Variants in ZNF148 observed in about 807,000 individuals in gnomAD.
ZNF148 encodes zinc finger protein 148, also known as Beta-Enolase Repressor Factor-1.
Under a neutral mutation model 67.7 loss-of-function variants are expected in ZNF148, and 7 were observed. That is an observed-to-expected ratio of 0.10 (90% confidence interval 0.06 to 0.19). ZNF148 has a LOEUF of 0.19. ZNF148 is among the 10% of genes least tolerant of loss of function. The pLI, the probability that ZNF148 is intolerant of heterozygous loss-of-function variation, is 1.00. For synonymous variants in ZNF148, 333 were observed against 330.7 expected (o/e 1.01, Z -0.08); for missense variants, 583 against 947.1 (o/e 0.62, Z 5.05).
chr3:125,341,041 A>C (rs1416800133), intron 1 of ZNF148, among the ~76,000 whole-genome samples: 1 of 151,330 alleles, frequency 6.6e-6, no homozygotes, highest in East Asian at 1.9e-4. Context: ...AAAACACCTA[A>C]GAAAATCATA....
At chr3:125,375,001 C>T (rs1051635283) in intron 1 of ZNF148, 101 bp downstream of exon 1, 1 of 151,760 alleles carries the variant, frequency 6.6e-6, no homozygotes, top group Non-Finnish European at 1.5e-5. Context: ...CTCGCTCCCC[C>T]CGGGGTCAGG....
At chr3:125,318,131 C>T (rs1434639117) in intron 3 of ZNF148, among the ~76,000 whole-genome samples, 1 of 152,100 alleles carries the variant, frequency 6.6e-6, no homozygotes, top group African/African-American at 2.4e-5. Context: ...TGGTTTTAAC[C>T]TTTCCCACTT....
At chr3:125,350,986 T>C (rs1451170956) in intron 1 of ZNF148, among the ~76,000 whole-genome samples, 1 of 152,070 alleles carries the variant, frequency 6.6e-6, no homozygotes, top group African/African-American at 2.4e-5. Flanking sequence ...TAAGATAAAG[T>C]AGTCAATCTC....
At chr3:125,260,150 C>T (rs920134575) in intron 7 of ZNF148, among the ~76,000 whole-genome samples, 2 of 152,064 alleles carry the variant, frequency 1.3e-5, no homozygotes, top group Non-Finnish European at 2.9e-5. Context: ...TCAAAGATCA[C>T]CGATCACAAA....
At chr3:125,282,043 AC>A (rs1252928287) in intron 5 of ZNF148, among the ~76,000 whole-genome samples, 1 of 151,996 alleles carries the variant, frequency 6.6e-6, no homozygotes, top group African/African-American at 2.4e-5. Context: ...CATAACAATT[AC>A]TCCTCCTAGC....
intron 4 of ZNF148, among the ~76,000 whole-genome samples, chr3:125,293,854 T>C (rs542463831): frequency 3.7e-4 from 56 of 152,222 alleles, no homozygotes; most frequent in African/African-American, 1.2e-3. Context: ...GGCCCACCAA[T>C]AGATGCTGAA....
At chr3:125,312,250 A>C (rs1940254392) in intron 4 of ZNF148, among the ~76,000 whole-genome samples, 1 of 152,244 alleles carries the variant, frequency 6.6e-6, no homozygotes, top group South Asian at 2.1e-4. Flanking sequence ...AGCAGGATTT[A>C]TTCCAGGTAT....
intron 1 of ZNF148, among the ~76,000 whole-genome samples, chr3:125,343,718 C>T (rs1941828629): frequency 6.6e-6 from 1 of 152,044 alleles, no homozygotes; most frequent in Admixed American, 6.6e-5. Flanking sequence ...CGCTCGGGTC[C>T]CCATCCACAC....
intron 1 of ZNF148, among the ~76,000 whole-genome samples, chr3:125,358,559 T>C (rs1437540691): frequency 6.6e-6 from 1 of 152,178 alleles, no homozygotes; most frequent in Non-Finnish European, 1.5e-5. Flanking sequence ...CAGAAGCCCC[T>C]ATGGCTACAG....
chr3:125,309,810 C>T (rs570946021), intron 4 of ZNF148, among the ~76,000 whole-genome samples: 42 of 152,272 alleles, frequency 2.8e-4, no homozygotes, highest in African/African-American at 1.0e-3. Context: ...AAATGCCAGT[C>T]TATTGCAATC....
rs575876031 is a variant in ZNF148 at position 125,275,206 on chromosome 3, C to T, written c.667+2520G>A. Among the ~76,000 whole-genome samples the T allele has an allele frequency of 5.9e-5, 9 of 152,306 alleles. 2 individuals carry two copies. The highest frequency in any genetic ancestry group is 4.1e-4 in the South Asian group (2 of 4,830). On this transcript the variant is annotated intron_variant, in intron 7 of 8. Transcript: ENST00000360647. ...AGGGAACAATAGGGCAGAATTGATT[C>T]TCTCTTCAAAAGAACTTTTCTTTGT...
At chr3:125,344,515 C>A in intron 1 of ZNF148, 1 of 1,134,302 alleles carries the variant, frequency 8.8e-7, no homozygotes, top group Non-Finnish European at 1.3e-6. Flanking sequence ...ATCTGGGTTA[C>A]AAAATGTGAA....
chr3:125,237,850 T>C (rs1936163664), intron 7 of ZNF148, among the ~76,000 whole-genome samples: 2 of 152,220 alleles, frequency 1.3e-5, no homozygotes, highest in African/African-American at 2.4e-5. Context: ...AAAAGAAGAA[T>C]GAAGCAGGAG....
At chr3:125,234,417 T>A in intron 7 of ZNF148, 88 bp from the exon 8 acceptor site, 1 of 950,068 alleles carries the variant, frequency 1.1e-6, no homozygotes. Flanking sequence ...AATAAATGGC[T>A]TTTGAAAGTT....
intron 1 of ZNF148, among the ~76,000 whole-genome samples, chr3:125,363,799 G>A (rs1942618338): frequency 6.6e-6 from 1 of 151,932 alleles, no homozygotes; most frequent in Non-Finnish European, 1.5e-5. Flanking sequence ...ACAGGCATGT[G>A]CCACCATGCC....
chr3:125,316,622 C>T (rs1281801900), intron 3 of ZNF148, among the ~76,000 whole-genome samples: 2 of 152,108 alleles, frequency 1.3e-5, no homozygotes, highest in East Asian at 3.8e-4. Flanking sequence ...TTTTCATATG[C>T]CTGTCTGCCA....
At chr3:125,263,902 A>G (rs920419296) in intron 7 of ZNF148, among the ~76,000 whole-genome samples, 4 of 152,190 alleles carry the variant, frequency 2.6e-5, no homozygotes, top group Non-Finnish European at 5.9e-5. Flanking sequence ...TTTCAGCCCC[A>G]TTCTCCTCAA....
chr3:125,306,211 T>C (rs1939867706), intron 4 of ZNF148, among the ~76,000 whole-genome samples: 1 of 152,090 alleles, frequency 6.6e-6, no homozygotes, highest in Non-Finnish European at 1.5e-5. Flanking sequence ...AAAATGAATA[T>C]CTAAAATCAG....
intron 4 of ZNF148, among the ~76,000 whole-genome samples, chr3:125,309,146 ATG>A (rs1290278737): frequency 6.6e-6 from 1 of 152,224 alleles, no homozygotes; most frequent in Non-Finnish European, 1.5e-5. Context: ...TGGTATCTTG[ATG>A]GATTATGGAT....
Sources: gnomAD v4.1 joint callset for allele counts (sites outside exome capture counted in the v4.1 genomes callset) on GRCh38, gnomAD v4.1.1 for gene constraint, MANE v1.5 for transcripts, NCBI Gene and HGNC (gene_info 2026-07-23, HGNC 2026-07-21) for gene names.